The following SLC24A2 variants were observed in gnomAD, a reference collection of about 807,000 sequenced individuals.
SLC24A2 encodes sodium/potassium/calcium exchanger 2.
SLC24A2 carries 36 observed loss-of-function variants against 62.0 expected under a neutral mutation model. The ratio of observed to expected loss-of-function variants is 0.58; its 90% confidence interval spans 0.44 to 0.77. The LOEUF is 0.77. Among genes scored for constraint, SLC24A2 ranks in the 30% least tolerant of loss-of-function variants. The pLI is 0.00. For missense variants in SLC24A2, 846 were observed against 817.9 expected, an observed-to-expected ratio of 1.03 and a Z score of -0.42; for synonymous variants, 358 against 294.0, an observed-to-expected ratio of 1.22 and a Z score of -2.23.
At chr9:19,526,641 C>G (rs941735521) in intron 9 of SLC24A2, among the ~76,000 whole-genome samples, 1 of 152,080 alleles carries the variant, frequency 6.6e-6, no homozygotes, top group Non-Finnish European at 1.5e-5. Context: ...TAGCCATCTG[C>G]GTATTTTCTT....
rs1254978145 is a variant in SLC24A2 at position 19,514,701 on chromosome 9, A to G, written c.*1452T>C. ...ATAAGGAAGCTGTCAAATACCGTGT[A>G]CTCTAAAACTTAGACAGAATCCCAG... On this transcript the variant is annotated 3_prime_UTR_variant, in exon 11 of 11. Coordinates refer to ENST00000341998, the MANE Select transcript of SLC24A2 (RefSeq NM_020344.4). 1 of 152,204 alleles carries G rather than the reference A, an allele frequency of 6.6e-6. No individual in the cohort carries two copies. The highest frequency in any genetic ancestry group is 1.5e-5 in the Non-Finnish European group (1 of 68,036). The allele number at this position is 152,204 out of a possible 1,614,324, so 9.4% of individuals were successfully genotyped here.
intron 2 of SLC24A2, among the ~76,000 whole-genome samples, chr9:19,729,195 C>T (rs1434508920): frequency 6.6e-6 from 1 of 152,104 alleles, no homozygotes; most frequent in Non-Finnish European, 1.5e-5. Context: ...TATCATTTCA[C>T]CCCAGTTAGG....
chr9:19,934,527 T>C, the SLC24A2 span, among the ~76,000 whole-genome samples: 5 of 152,180 alleles, frequency 3.3e-5, no homozygotes, highest in Non-Finnish European at 7.4e-5. This position sits in a 1 kb window ranked among gnomAD's most constrained non-coding sequence, Gnocchi z 4.1. Context: ...CCGGCCCCCG[T>C]GCACCGTGCG....
chr9:19,793,420 G>T (rs1276628390), upstream of SLC24A2, among the ~76,000 whole-genome samples: 1 of 152,190 alleles, frequency 6.6e-6, no homozygotes, highest in Non-Finnish European at 1.5e-5. Context: ...ATGGACTGAA[G>T]CAAATCAGAT....
the SLC24A2 span, among the ~76,000 whole-genome samples, chr9:19,930,866 T>A: frequency 2.6e-5 from 4 of 152,172 alleles, no homozygotes; most frequent in Admixed American, 6.5e-5. Context: ...AGTGTTCTGG[T>A]TCTTTTAGCC....
chr9:19,945,386 G>T, the SLC24A2 span, among the ~76,000 whole-genome samples: 2 of 152,096 alleles, frequency 1.3e-5, no homozygotes, highest in African/African-American at 4.8e-5. Flanking sequence ...TGTGGAAATG[G>T]ACTCCTTTCG....
At chr9:20,122,992 C>G in the SLC24A2 span, among the ~76,000 whole-genome samples, 1 of 152,144 alleles carries the variant, frequency 6.6e-6, no homozygotes, top group Non-Finnish European at 1.5e-5. Context: ...ATCACCCATT[C>G]GATGCTTTGT....
chr9:20,039,087 G>T, the SLC24A2 span, among the ~76,000 whole-genome samples: 2 of 152,234 alleles, frequency 1.3e-5, no homozygotes, highest in Non-Finnish European at 1.5e-5. Flanking sequence ...AGGAGAAAAA[G>T]AAAGCAAGAG....
chr9:19,602,360 C>T (rs1280526342), intron 4 of SLC24A2, among the ~76,000 whole-genome samples: 2 of 152,094 alleles, frequency 1.3e-5, no homozygotes, highest in African/African-American at 4.8e-5. Flanking sequence ...CAAGTGACCA[C>T]CCAGGATTTG....
chr9:19,995,611 T>C, the SLC24A2 span, among the ~76,000 whole-genome samples: 1 of 152,340 alleles, frequency 6.6e-6, no homozygotes. Flanking sequence ...CAGACATTCT[T>C]TGAAGCATTT....
the SLC24A2 span, among the ~76,000 whole-genome samples, chr9:19,974,895 G>C: frequency 6.6e-6 from 1 of 152,166 alleles, no homozygotes; most frequent in Admixed American, 6.6e-5. Context: ...GTCCCGTCAG[G>C]GTTACAAGAT....
chr9:19,881,626 G>A, the SLC24A2 span, among the ~76,000 whole-genome samples: 21 of 152,154 alleles, frequency 1.4e-4, no homozygotes, highest in Admixed American at 3.9e-4. Flanking sequence ...CTTATCTCAC[G>A]TTAACTTAGG....
the SLC24A2 span, among the ~76,000 whole-genome samples, chr9:19,961,515 G>C: frequency 1.1e-4 from 16 of 152,170 alleles, no homozygotes; most frequent in Non-Finnish European, 2.4e-4. Flanking sequence ...TCCTTTGGAG[G>C]TTAGCTAAAG....
the SLC24A2 span, among the ~76,000 whole-genome samples, chr9:20,128,447 C>G: frequency 6.6e-6 from 1 of 152,194 alleles, no homozygotes; most frequent in African/African-American, 2.4e-5. Flanking sequence ...ATGCTAATAG[C>G]ATCTAAGTAG....
At chr9:20,135,540 G>A in the SLC24A2 span, among the ~76,000 whole-genome samples, 2 of 151,964 alleles carry the variant, frequency 1.3e-5, no homozygotes, top group Non-Finnish European at 2.9e-5. Context: ...TCTAGCACAC[G>A]AGGTCATTGT....
At chr9:19,740,883 A>AG (rs1554709474) in intron 2 of SLC24A2, among the ~76,000 whole-genome samples, 14 of 151,720 alleles carry the variant, frequency 9.2e-5, no homozygotes, top group East Asian at 3.8e-4. Flanking sequence ...AAAAAAAAAA[A>AG]AGAGAGAGAG....
chr9:19,769,678 T>C (rs1168582704), intron 2 of SLC24A2, among the ~76,000 whole-genome samples: 1 of 152,226 alleles, frequency 6.6e-6, no homozygotes, highest in Non-Finnish European at 1.5e-5. Flanking sequence ...CATCCTACGC[T>C]GTGCATTTGT....
intron 6 of SLC24A2, 146 bp from the exon 7 acceptor site, chr9:19,573,615 G>T: frequency 1.3e-6 from 1 of 751,954 alleles, no homozygotes; most frequent in Non-Finnish European, 2.3e-6. Flanking sequence ...AAAATGTTGG[G>T]CTAAAGCAGA....
the SLC24A2 span, among the ~76,000 whole-genome samples, chr9:20,234,111 G>C: frequency 2.0e-5 from 3 of 152,174 alleles, no homozygotes; most frequent in Non-Finnish European, 4.4e-5. Context: ...TAGTCTGATG[G>C]GCTTCCCTTT....
Sources: gnomAD v4.1 joint callset for allele counts (sites outside exome capture counted in the v4.1 genomes callset) on GRCh38, gnomAD v4.1.1 for gene constraint, Gnocchi (gnomAD v3.1) non-coding constraint, MANE v1.5 for transcripts, NCBI Gene and HGNC (gene_info 2026-07-23, HGNC 2026-07-21) for gene names.